Variants in SLIT3 observed in about 807,000 individuals in gnomAD.
SLIT3 encodes the protein slit guidance ligand 3, also known as slit homolog 3 protein.
In SLIT3, 68 loss-of-function variants were observed where a neutral mutation model predicts 184.0. The ratio of observed to expected loss-of-function variants is 0.37; its 90% CI spans 0.30 to 0.45. SLIT3 has a LOEUF of 0.45. Ranked by LOEUF, SLIT3 falls within the 20% of genes least tolerant of loss-of-function variation. The pLI, the probability that SLIT3 is intolerant of heterozygous loss-of-function variation, is 1.00. For missense variants in SLIT3, 1,707 were observed against 2,026.0 expected, an observed-to-expected ratio of 0.84 and a Z score of 3.02; for synonymous variants, 831 against 828.6, an observed-to-expected ratio of 1.00 and a Z score of -0.05.
At chr5:168,878,662 A>G (rs188564590) in intron 5 of SLIT3, among the ~76,000 whole-genome samples, 1 of 151,676 alleles carries the variant, frequency 6.6e-6, no homozygotes, top group Admixed American at 6.6e-5. Flanking sequence ...ACCAACTTAT[A>G]CACATTGATG....
intron 4 of SLIT3, among the ~76,000 whole-genome samples, chr5:169,007,497 A>G (rs1158027128): frequency 1.3e-5 from 2 of 152,238 alleles, no homozygotes; most frequent in Non-Finnish European, 1.5e-5. Flanking sequence ...TTAAAATAAG[A>G]TTAGGTTGAA....
At chr5:169,266,822 A>G (rs1766411846) in intron 1 of SLIT3, among the ~76,000 whole-genome samples, 2 of 152,198 alleles carry the variant, frequency 1.3e-5, no homozygotes. Flanking sequence ...ATGACTTTGT[A>G]AAATTTTCCT....
At chr5:169,117,404 T>C (rs938469780) in intron 4 of SLIT3, among the ~76,000 whole-genome samples, 2 of 151,580 alleles carry the variant, frequency 1.3e-5, no homozygotes, top group Admixed American at 1.3e-4. Context: ...GTGCATGTTC[T>C]CCCCCGTCCC....
intron 6 of SLIT3, among the ~76,000 whole-genome samples, chr5:168,839,401 A>G (rs1282734093): frequency 6.6e-6 from 1 of 152,196 alleles, no homozygotes; most frequent in African/African-American, 2.4e-5. Flanking sequence ...TGGGGTCTAC[A>G]TGCCCCGTCC....
chr5:169,247,592 A>G (rs1368768263), intron 2 of SLIT3, among the ~76,000 whole-genome samples: 1 of 152,192 alleles, frequency 6.6e-6, no homozygotes, highest in Non-Finnish European at 1.5e-5. Flanking sequence ...ATGCAAGGAT[A>G]TCTATATGAG....
intron 4 of SLIT3, among the ~76,000 whole-genome samples, chr5:169,079,793 AG>A (rs1758926675): frequency 2.4e-5 from 1 of 40,938 alleles, no homozygotes; most frequent in Non-Finnish European, 4.3e-5. Context: ...GAGGAGGAGG[AG>A]GGAGGAAGAG....
At chr5:168,730,444 G>A (rs1019660134) in intron 20 of SLIT3, among the ~76,000 whole-genome samples, 4 of 151,884 alleles carry the variant, frequency 2.6e-5, no homozygotes, top group African/African-American at 9.7e-5. Flanking sequence ...ACCAGCACAT[G>A]GAACATTCTC....
At chr5:168,765,870 G>A (rs11743764) in intron 14 of SLIT3, among the ~76,000 whole-genome samples, 8,263 of 152,044 alleles carry the variant, frequency 0.054, 244 homozygotes, top group Non-Finnish European at 0.066. Flanking sequence ...CCCCTTTCGC[G>A]GGCAGCTCAG....
intron 7 of SLIT3, among the ~76,000 whole-genome samples, chr5:168,819,345 G>T (rs1362931055): frequency 6.6e-6 from 1 of 152,210 alleles, no homozygotes; most frequent in Non-Finnish European, 1.5e-5. Flanking sequence ...CTTTTCGCCG[G>T]GTATAAATGT....
chr5:169,190,153 T>C (rs1763503158), intron 4 of SLIT3, among the ~76,000 whole-genome samples: 1 of 152,176 alleles, frequency 6.6e-6, no homozygotes, highest in Admixed American at 6.5e-5. Flanking sequence ...GACATGGGCA[T>C]ATATGACCAA....
intron 4 of SLIT3, among the ~76,000 whole-genome samples, chr5:169,005,954 CA>C (rs1755908725): frequency 6.6e-6 from 1 of 152,248 alleles, no homozygotes; most frequent in African/African-American, 2.4e-5. Context: ...CCAAAATGCC[CA>C]TAGAAAATTC....
At chr5:169,166,146 A>G (rs1257063517) in intron 4 of SLIT3, among the ~76,000 whole-genome samples, 1 of 95,400 alleles carries the variant, frequency 1.0e-5, no homozygotes, top group Non-Finnish European at 2.1e-5. Context: ...GACTAACGCT[A>G]CTAATTTTTT....
chr5:168,712,141 T>G lies in SLIT3; in HGVS notation c.2555+142A>C, dbSNP rs985464782. ...GAGGTGGGAAACAAGACAATATGCA[T>G]AGTGTGGATACATAGTTGTATAATA... On this transcript the variant is annotated intron_variant, in intron 24 of 35. Transcript: ENST00000519560. 7.1e-6 allele frequency: 5 copies of G among 707,212 alleles called. 1 individual carries two copies. Among genetic ancestry groups the G allele is most frequent in the Middle Eastern group, 4.8e-4 (2 of 4,170 alleles). 43.8% of individuals were successfully genotyped at this position (707,212 alleles called of 1,614,324 possible).
rs1761789158 is a variant in SLIT3 at position 169,142,773 on chromosome 5, T to C, written c.413+50706A>G. ...CCACACCTACTCCTCACTCCAACCA[T>C]GAGGTGGAGACTGTCAATAGCTCCA... On this transcript the variant is annotated intron_variant, in intron 4 of 35. Coordinates refer to ENST00000519560, the MANE Select transcript of SLIT3 (RefSeq NM_003062.4). Among the ~76,000 whole-genome samples, 3 of 152,184 alleles carry C rather than the reference T, an allele frequency of 2.0e-5. No individual in the cohort carries two copies. In the South Asian group the frequency reaches 6.2e-4, roughly 32 times the overall value.
intron 26 of SLIT3, among the ~76,000 whole-genome samples, chr5:168,703,516 T>C (rs1426523354): frequency 1.3e-5 from 2 of 151,972 alleles, no homozygotes; most frequent in African/African-American, 4.8e-5. Context: ...GGTTGCACGC[T>C]CCTTATGAGA....
intron 4 of SLIT3, among the ~76,000 whole-genome samples, chr5:168,984,818 T>C (rs1203617430): frequency 6.6e-6 from 1 of 152,170 alleles, no homozygotes; most frequent in Non-Finnish European, 1.5e-5. Flanking sequence ...CAAACTTTAG[T>C]GGCCTTATCA....
At chr5:169,001,427 TA>T (rs930584920) in intron 4 of SLIT3, among the ~76,000 whole-genome samples, 2 of 152,030 alleles carry the variant, frequency 1.3e-5, no homozygotes, top group African/African-American at 4.8e-5. Context: ...ATATTTAGAA[TA>T]AAAAAACACC....
intron 4 of SLIT3, among the ~76,000 whole-genome samples, chr5:169,081,861 G>A (rs191075244): frequency 5.3e-5 from 8 of 152,274 alleles, no homozygotes; most frequent in East Asian, 1.9e-4. Context: ...ACACTGAGAC[G>A]GTATTAGCAG....
At chr5:169,248,618 T>C (rs928732295) in intron 2 of SLIT3, among the ~76,000 whole-genome samples, 1 of 152,182 alleles carries the variant, frequency 6.6e-6, no homozygotes, top group Non-Finnish European at 1.5e-5. Flanking sequence ...TTTCAGCTTT[T>C]TTGGCATTGT....
Sources: allele counts gnomAD v4.1 joint callset (sites outside exome capture counted in the v4.1 genomes callset), GRCh38; gene constraint gnomAD v4.1.1; transcripts MANE v1.5; gene names NCBI Gene and HGNC (gene_info 2026-07-23, HGNC 2026-07-21).